Variants in KLRG1 observed in about 807,000 individuals in gnomAD.
KLRG1 encodes killer cell lectin like receptor G1, also known as killer cell lectin-like receptor subfamily G member 1.
Under a neutral mutation model 21.8 loss-of-function variants are expected in KLRG1, and 16 were observed. That is an observed-to-expected ratio of 0.73 (90% CI 0.50 to 1.11). KLRG1 has a LOEUF of 1.11. KLRG1 is among the 50% of genes most tolerant of loss of function. The pLI is 0.00. For synonymous variants in KLRG1, 69 were observed against 75.9 expected, an observed-to-expected ratio of 0.91 and a Z score of 0.47; for missense variants, 173 against 218.3, an observed-to-expected ratio of 0.79 and a Z score of 1.31.
At chr12:9,203,337 C>CT in the KLRG1 span, among the ~76,000 whole-genome samples, 7,185 of 114,438 alleles carry the variant, frequency 0.063, 329 homozygotes, top group East Asian at 0.087. Context: ...AACTACATTC[C>CT]TTTTTTTTTT....
the KLRG1 span, chr12:9,156,299 G>A: frequency 9.4e-6 from 2 of 212,458 alleles, no homozygotes; most frequent in South Asian, 9.4e-5. Context: ...ACCAATAAGC[G>A]AGTCATCAAT....
chr12:9,125,984 CG>C, the KLRG1 span, among the ~76,000 whole-genome samples: 1 of 152,204 alleles, frequency 6.6e-6, no homozygotes, highest in Non-Finnish European at 1.5e-5. Context: ...CCACCCACCT[CG>C]GCCTCCCAAA....
At chr12:9,196,278 G>T in the KLRG1 span, 1 of 1,282,454 alleles carries the variant, frequency 7.8e-7, no homozygotes, top group Non-Finnish European at 1.1e-6. Context: ...TGTGTCCTGT[G>T]CTTAGGTGCA....
At chr12:9,088,802 G>A in the KLRG1 span, among the ~76,000 whole-genome samples, 7 of 152,274 alleles carry the variant, frequency 4.6e-5, no homozygotes, top group East Asian at 1.9e-4. Context: ...TAGCAATCCC[G>A]TTATCAAATA....
At chr12:9,122,840 A>G in the KLRG1 span, among the ~76,000 whole-genome samples, 1 of 152,172 alleles carries the variant, frequency 6.6e-6, no homozygotes, top group Non-Finnish European at 1.5e-5. Flanking sequence ...AAAGTAATGC[A>G]GTATAATTTG....
chr12:9,197,127 G>C, the KLRG1 span: 1 of 1,577,332 alleles, frequency 6.3e-7, no homozygotes, highest in South Asian at 1.1e-5. Context: ...AGTGTATCTG[G>C]TACATGAGAA....
the KLRG1 span, among the ~76,000 whole-genome samples, chr12:9,025,744 T>TGG: frequency 6.6e-6 from 1 of 152,156 alleles, no homozygotes; most frequent in Non-Finnish European, 1.5e-5. Flanking sequence ...GAAGTAACCT[T>TGG]GGGTAGAAAG....
chr12:9,192,683 G>A, the KLRG1 span: 4 of 1,613,944 alleles, frequency 2.5e-6, no homozygotes, highest in Admixed American at 1.7e-5. Flanking sequence ...GAGCACCCTG[G>A]TGGTCTTCTG....
the KLRG1 span, chr12:9,106,623 A>G: frequency 7.6e-7 from 1 of 1,309,360 alleles, no homozygotes; most frequent in Non-Finnish European, 1.1e-6. Flanking sequence ...GGGAGAAAAT[A>G]AAATACAAAA....
At chr12:9,142,534 A>T in the KLRG1 span, among the ~76,000 whole-genome samples, 3 of 152,358 alleles carry the variant, frequency 2.0e-5, 1 homozygote, top group Admixed American at 2.0e-4. Context: ...GAAAGGTCCC[A>T]TAGCTTTTAC....
chr12:9,136,032 C>T, the KLRG1 span, among the ~76,000 whole-genome samples: 2 of 152,110 alleles, frequency 1.3e-5, no homozygotes, highest in South Asian at 2.1e-4. Flanking sequence ...GGAAATTTTA[C>T]GACAAGACTT....
At chr12:9,040,135 G>A in the KLRG1 span, among the ~76,000 whole-genome samples, 5 of 152,286 alleles carry the variant, frequency 3.3e-5, no homozygotes, top group African/African-American at 1.2e-4. Flanking sequence ...GAGAGAAGTA[G>A]GATAGTGGTA....
At chr12:8,957,775 G>T (rs1009530973) in intron 1 of KLRG1, among the ~76,000 whole-genome samples, 8 of 152,284 alleles carry the variant, frequency 5.3e-5, no homozygotes, top group Admixed American at 4.6e-4. Context: ...GGATGAAGGG[G>T]TGATTTATGT....
the KLRG1 span, chr12:9,192,569 G>C: frequency 6.2e-7 from 1 of 1,614,204 alleles, no homozygotes; most frequent in African/African-American, 1.3e-5. Flanking sequence ...TCAGTGTATA[G>C]TGTGCCGTGA....
At chr12:9,129,658 G>A in the KLRG1 span, among the ~76,000 whole-genome samples, 1 of 151,830 alleles carries the variant, frequency 6.6e-6, no homozygotes, top group East Asian at 1.9e-4. Context: ...TGCAAACTCC[G>A]CCTCCCGGGT....
chr12:9,027,634 A>G, the KLRG1 span: 1 of 883,010 alleles, frequency 1.1e-6, no homozygotes, highest in South Asian at 1.3e-5. Context: ...CAGGGGCCAG[A>G]GCTTCTGACT....
chr12:9,154,560 A>G, the KLRG1 span: 3 of 1,492,890 alleles, frequency 2.0e-6, no homozygotes, highest in Non-Finnish European at 2.8e-6. Flanking sequence ...TTCTACTTTT[A>G]AGCCTCCCAA....
chr12:9,165,506 T>A, the KLRG1 span: 1 of 941,214 alleles, frequency 1.1e-6, no homozygotes, highest in Non-Finnish European at 1.6e-6. Context: ...GTGTGAACAC[T>A]AGATTATGTC....
chr12:9,043,434 C>T, the KLRG1 span, among the ~76,000 whole-genome samples: 1 of 152,154 alleles, frequency 6.6e-6, no homozygotes, highest in African/African-American at 2.4e-5. Flanking sequence ...GTCTCCTGTG[C>T]TCAAGGAGTA....
Sources: gnomAD v4.1 joint callset for allele counts (sites outside exome capture counted in the v4.1 genomes callset) on GRCh38, gnomAD v4.1.1 for gene constraint, MANE v1.5 for transcripts, NCBI Gene and HGNC (gene_info 2026-07-23, HGNC 2026-07-21) for gene names.